TMEM178B: variants seen among roughly 807,000 people sequenced by gnomAD.
TMEM178B encodes transmembrane protein 178B.
Under a neutral mutation model 31.0 loss-of-function variants are expected in TMEM178B, and 5 were observed. The observed-to-expected ratio is 0.16, with a 90% CI of 0.08 to 0.34. The LOEUF (loss-of-function observed/expected upper bound fraction) is 0.34. TMEM178B is among the 10% of genes least tolerant of loss of function. The pLI, the probability that TMEM178B is intolerant of heterozygous loss-of-function variation, is 1.00. For missense variants in TMEM178B, 275 were observed against 400.3 expected, an observed-to-expected ratio of 0.69 and a Z score of 2.67; for synonymous variants, 164 against 164.0, an observed-to-expected ratio of 1.00 and a Z score of 0.00.
chr7:141,309,026 C>T (rs1175417172), intron 2 of TMEM178B, among the ~76,000 whole-genome samples: 1 of 152,160 alleles, frequency 6.6e-6, no homozygotes. Flanking sequence ...AGAGCTTCAG[C>T]TTGAACTACA....
At chr7:141,305,786 A>G (rs1353972191) in intron 2 of TMEM178B, among the ~76,000 whole-genome samples, 1 of 151,178 alleles carries the variant, frequency 6.6e-6, no homozygotes, top group African/African-American at 2.4e-5. Context: ...CCCTGTCAAT[A>G]CTCCCTCTGT....
chr7:141,200,239 G>A (rs1796853811), intron 1 of TMEM178B, among the ~76,000 whole-genome samples: 1 of 152,180 alleles, frequency 6.6e-6, no homozygotes, highest in African/African-American at 2.4e-5. Flanking sequence ...ATAGGTAGAG[G>A]TGGCTTTCTA....
At chr7:141,245,213 A>T in intron 2 of TMEM178B, among the ~76,000 whole-genome samples, 1 of 130,924 alleles carries the variant, frequency 7.6e-6, no homozygotes, top group African/African-American at 2.8e-5. Flanking sequence ...AAAAAAAAGA[A>T]GGATGCACAG....
intron 2 of TMEM178B, among the ~76,000 whole-genome samples, chr7:141,424,749 A>C (rs1801282843): frequency 1.3e-5 from 2 of 152,196 alleles, no homozygotes; most frequent in African/African-American, 4.8e-5. Context: ...CAGCACAGAG[A>C]TACACCCGCA....
rs545240464 is a variant in TMEM178B, at chr7:141,461,998, T to C, written c.635-8538T>C. 1.1e-4 allele frequency among the ~76,000 whole-genome samples: 17 copies of C among 152,304 alleles called. No individual in the cohort carries two copies. Among genetic ancestry groups the C allele is most frequent in the Admixed American group, 3.9e-4 (6 of 15,290 alleles). On this transcript the variant is annotated intron_variant, in intron 3 of 3. Coordinates refer to ENST00000565468, the MANE Select transcript of TMEM178B (RefSeq NM_001195278.2). The surrounding 1 kb of genome is among the most constrained non-coding windows in gnomAD (Gnocchi z 4.0). ...TGGCACTTCTAACATTAGCGACGCATTCCAGGGATCCAAGTTTCTGTTTCC... is the reference window on the plus strand; with the variant it reads ...TGGCACTTCTAACATTAGCGACGCACTCCAGGGATCCAAGTTTCTGTTTCC...
In TMEM178B at chr7:141,318,609, A is replaced by G. The variant is rs184034710; in HGVS notation, c.496+105905A>G. ...TCTTCAAACCCGTGCTGTGTTGCCC[A>G]GTTGTTTGATAGCTAAACCTATGCC... On this transcript the variant is annotated intron_variant, in intron 2 of 3. Transcript: ENST00000565468. The surrounding 1 kb of genome is among the most constrained non-coding windows in gnomAD (Gnocchi z 4.1). 1.7e-3 allele frequency among the ~76,000 whole-genome samples: 262 copies of G among 152,344 alleles called. 2 individuals are homozygous for G. The highest frequency in any genetic ancestry group is 6.1e-3 in the African/African-American group (252 of 41,584).
intron 1 of TMEM178B, among the ~76,000 whole-genome samples, chr7:141,137,951 C>T (rs1323859423): frequency 1.3e-5 from 2 of 152,156 alleles, no homozygotes; most frequent in African/African-American, 4.8e-5. Context: ...AGTTTCCATT[C>T]TACAAAATAT....
intron 2 of TMEM178B, among the ~76,000 whole-genome samples, chr7:141,385,893 G>C (rs1285414544): frequency 3.3e-5 from 5 of 152,218 alleles, no homozygotes; most frequent in African/African-American, 1.2e-4. Context: ...AATGATTCCA[G>C]CTGCTAGTTT....
chr7:141,379,548 G>A (rs937856592), intron 2 of TMEM178B, among the ~76,000 whole-genome samples: 3 of 152,134 alleles, frequency 2.0e-5, no homozygotes, highest in South Asian at 2.1e-4. Context: ...AACCAAAGCA[G>A]TCACATTATC....
chr7:141,083,345 C>G (rs951667214), intron 1 of TMEM178B, among the ~76,000 whole-genome samples: 2 of 152,024 alleles, frequency 1.3e-5, no homozygotes, highest in Non-Finnish European at 2.9e-5. Flanking sequence ...ATTCTATAAA[C>G]TCCAAGCCCT....
chr7:141,185,257 A>C (rs185536475), intron 1 of TMEM178B, among the ~76,000 whole-genome samples: 1 of 152,312 alleles, frequency 6.6e-6, no homozygotes, highest in Non-Finnish European at 1.5e-5. Flanking sequence ...CCTTATCTCC[A>C]GGACAGAGGG....
At chr7:141,388,891 G>C (rs1248641642) in intron 2 of TMEM178B, among the ~76,000 whole-genome samples, 3 of 142,234 alleles carry the variant, frequency 2.1e-5, no homozygotes, top group Non-Finnish European at 4.6e-5. Context: ...TTTTATTAAG[G>C]AAGGTGCAAT....
intron 1 of TMEM178B, among the ~76,000 whole-genome samples, chr7:141,084,433 G>A (rs1794744141): frequency 6.6e-6 from 1 of 152,216 alleles, no homozygotes; most frequent in African/African-American, 2.4e-5. Context: ...AGTGAAATCT[G>A]TTGTTTCTGT....
intron 2 of TMEM178B, among the ~76,000 whole-genome samples, chr7:141,291,797 A>AT (rs1426691203): frequency 1.3e-5 from 2 of 152,162 alleles, no homozygotes; most frequent in Non-Finnish European, 2.9e-5. Context: ...TGAAAAAAAA[A>AT]GTCACAGTCT....
intron 1 of TMEM178B, among the ~76,000 whole-genome samples, chr7:141,202,640 CCTT>C (rs1323487381): frequency 2.6e-5 from 4 of 152,248 alleles, no homozygotes; most frequent in Non-Finnish European, 4.4e-5. Flanking sequence ...GAAAATAAAA[CCTT>C]CTTTCTGGCT....
intron 2 of TMEM178B, among the ~76,000 whole-genome samples, chr7:141,379,140 C>CTTCTA (rs1800269490): frequency 6.6e-6 from 1 of 152,026 alleles, no homozygotes; most frequent in South Asian, 2.1e-4. Context: ...GTTGGACTGC[C>CTTCTA]AGTTAACAGA....
intron 2 of TMEM178B, among the ~76,000 whole-genome samples, chr7:141,223,399 A>C (rs1797286290): frequency 2.0e-5 from 3 of 151,760 alleles, no homozygotes; most frequent in Non-Finnish European, 4.4e-5. Context: ...GGTGCATGGA[A>C]GGGCCTCTTC....
chr7:141,130,436 CT>C (rs1795575945), intron 1 of TMEM178B, among the ~76,000 whole-genome samples: 1 of 152,140 alleles, frequency 6.6e-6, no homozygotes, highest in African/African-American at 2.4e-5. Flanking sequence ...AGTATGTGAT[CT>C]TTTATGTTTG....
intron 2 of TMEM178B, among the ~76,000 whole-genome samples, chr7:141,220,989 T>C (rs1797248514): frequency 6.6e-6 from 1 of 152,200 alleles, no homozygotes; most frequent in Non-Finnish European, 1.5e-5. Flanking sequence ...TTGCTTAATG[T>C]TTAAACATTT....
Sources: allele counts gnomAD v4.1 joint callset (sites outside exome capture counted in the v4.1 genomes callset), GRCh38; gene constraint gnomAD v4.1.1; non-coding constraint Gnocchi (gnomAD v3.1); transcripts MANE v1.5; gene names NCBI Gene and HGNC (gene_info 2026-07-23, HGNC 2026-07-21).